UBE2W: variants seen among roughly 807,000 people sequenced by gnomAD.
The protein encoded by UBE2W is ubiquitin conjugating enzyme E2 W, also known as ubiquitin-conjugating enzyme E2 W.
In UBE2W, 18 loss-of-function variants were observed where a neutral mutation model predicts 27.2. That is an observed-to-expected ratio of 0.66 (90% CI 0.46 to 0.98). The LOEUF is 0.98. UBE2W is among the 50% of genes least tolerant of loss of function. The pLI is 0.00. For missense variants in UBE2W, 90 were observed against 180.2 expected, an observed-to-expected ratio of 0.50 and a Z score of 2.87; for synonymous variants, 53 against 57.2, an observed-to-expected ratio of 0.93 and a Z score of 0.33.
intron 1 of UBE2W, among the ~76,000 whole-genome samples, chr8:73,858,979 CGTGTGTGT>C (rs59095956): frequency 2.3e-3 from 294 of 126,008 alleles, no homozygotes; most frequent in South Asian, 0.011. Flanking sequence ...GGGGTTTTTG[CGTGTGTGT>C]GTGTGTGTGT....
chr8:73,847,507 C>T (rs1255715265), intron 1 of UBE2W, among the ~76,000 whole-genome samples: 2 of 152,102 alleles, frequency 1.3e-5, no homozygotes, highest in Non-Finnish European at 2.9e-5. Flanking sequence ...CCAGCATATA[C>T]GTTCAACAAA....
chr8:73,868,017 T>G (rs1053788030), intron 1 of UBE2W, among the ~76,000 whole-genome samples: 1 of 152,194 alleles, frequency 6.6e-6, no homozygotes, highest in Middle Eastern at 3.2e-3. Context: ...ACAAGAAATA[T>G]ATATCTTCAT....
chr8:73,832,121 C>CA (rs996081980), intron 1 of UBE2W, among the ~76,000 whole-genome samples: 3 of 136,414 alleles, frequency 2.2e-5, no homozygotes, highest in South Asian at 2.1e-4. Context: ...AACAAACAAA[C>CA]AAAAAAAATA....
At chr8:73,869,027 A>G (rs1811890084) in intron 1 of UBE2W, among the ~76,000 whole-genome samples, 1 of 152,250 alleles carries the variant, frequency 6.6e-6, no homozygotes, top group African/African-American at 2.4e-5. Flanking sequence ...TCTGATATTT[A>G]AATAACTGGT....
At chr8:73,799,616 C>G (rs953083957) in intron 5 of UBE2W, among the ~76,000 whole-genome samples, 4 of 152,176 alleles carry the variant, frequency 2.6e-5, no homozygotes, top group African/African-American at 9.7e-5. Context: ...ACCTCTCTTG[C>G]CTCTTTGCTT....
intron 1 of UBE2W, 111 bp downstream of exon 1, chr8:73,878,697 C>T: frequency 1.0e-6 from 1 of 997,386 alleles, no homozygotes; most frequent in Non-Finnish European, 1.5e-6. Flanking sequence ...CCACCCGGAC[C>T]GATCCCGAAC....
At chr8:73,876,306 T>C (rs541163295) in intron 1 of UBE2W, among the ~76,000 whole-genome samples, 1 of 152,174 alleles carries the variant, frequency 6.6e-6, no homozygotes, top group South Asian at 2.1e-4. Context: ...AAGAGCCAAA[T>C]GTTGCCATTA....
intron 3 of UBE2W, among the ~76,000 whole-genome samples, chr8:73,811,754 C>T (rs1809162447): frequency 6.6e-6 from 1 of 152,000 alleles, no homozygotes; most frequent in Non-Finnish European, 1.5e-5. Flanking sequence ...TACCCAAGTA[C>T]AACAGAATAT....
downstream of UBE2W, among the ~76,000 whole-genome samples, chr8:73,781,370 T>C (rs1309100025): frequency 2.6e-5 from 4 of 152,010 alleles, no homozygotes; most frequent in East Asian, 7.7e-4. Flanking sequence ...AATATTTCAC[T>C]ATCATTGCTA....
chr8:73,831,420 GATCTTTTCACTCAACA>G (rs1205230413), intron 1 of UBE2W: 1 of 159,454 alleles, frequency 6.3e-6, no homozygotes, highest in African/African-American at 2.4e-5. Context: ...CTCAACAAAA[GATCTTTTCACTCAACA>G]AAAAGATCCT....
Position 73,860,566 on chromosome 8 carries a change from A to G in UBE2W, c.15+18242T>C, listed in dbSNP as rs922108791. Among the ~76,000 whole-genome samples, 8 of 152,306 alleles carry G rather than the reference A, an allele frequency of 5.3e-5. 1 individual carries two copies. The South Asian group carries it at 6.2e-4, about 12-fold the overall frequency. ...CAAGGCAGAAGTGAAAAACCCTACGAAAGAGGTAAAACATGATACGGAGGC... is the reference window on the plus strand; with the variant it reads ...CAAGGCAGAAGTGAAAAACCCTACGGAAGAGGTAAAACATGATACGGAGGC... On this transcript the variant is annotated intron_variant, in intron 1 of 5. Transcript: ENST00000602593.
At chr8:73,834,475 A>C in intron 1 of UBE2W, among the ~76,000 whole-genome samples, 1 of 152,364 alleles carries the variant, frequency 6.6e-6, no homozygotes, top group South Asian at 2.1e-4. Context: ...GCAAGATGAC[A>C]TAAAGAGGTT....
At chr8:73,834,443 C>G (rs551707300) in intron 1 of UBE2W, among the ~76,000 whole-genome samples, 1 of 152,180 alleles carries the variant, frequency 6.6e-6, no homozygotes, top group Non-Finnish European at 1.5e-5. Context: ...CATATACTAA[C>G]TTGTACAGTC....
chr8:73,874,771 T>C (rs1812148275), intron 1 of UBE2W, among the ~76,000 whole-genome samples: 1 of 152,246 alleles, frequency 6.6e-6, no homozygotes, highest in Non-Finnish European at 1.5e-5. Context: ...CTCTTAATGA[T>C]GGTTTCTTAA....
chr8:73,810,760 A>G (rs1219454169), intron 3 of UBE2W, 131 bp from the exon 4 acceptor site: 2 of 610,370 alleles, frequency 3.3e-6, no homozygotes, highest in Non-Finnish European at 5.1e-6. Flanking sequence ...GGAACATGAT[A>G]AACAACTGCT....
intron 1 of UBE2W, among the ~76,000 whole-genome samples, chr8:73,863,827 C>A (rs913061032): frequency 1.3e-5 from 2 of 151,488 alleles, no homozygotes; most frequent in African/African-American, 4.9e-5. Flanking sequence ...TAAATCATAA[C>A]GTGGGGATGG....
chr8:73,814,800 G>A (rs1349593566), intron 3 of UBE2W, among the ~76,000 whole-genome samples: 6 of 152,218 alleles, frequency 3.9e-5, no homozygotes, highest in East Asian at 1.9e-4. Flanking sequence ...GATTACAGGC[G>A]TGAGCCACTG....
intron 1 of UBE2W, among the ~76,000 whole-genome samples, chr8:73,848,432 AT>A (rs2130943319): frequency 6.6e-6 from 1 of 152,330 alleles, no homozygotes; most frequent in African/African-American, 2.4e-5. Context: ...CATGCCTGTA[AT>A]CCCAGAACTC....
At chr8:73,842,754 G>A (rs899254507) in intron 1 of UBE2W, among the ~76,000 whole-genome samples, 1 of 151,984 alleles carries the variant, frequency 6.6e-6, no homozygotes, top group Admixed American at 6.5e-5. Context: ...TGGAGAAAGA[G>A]GACATACTGT....
Sources: allele counts gnomAD v4.1 joint callset (sites outside exome capture counted in the v4.1 genomes callset), GRCh38; gene constraint gnomAD v4.1.1; transcripts MANE v1.5; gene names NCBI Gene and HGNC (gene_info 2026-07-23, HGNC 2026-07-21).